LSM12: variants seen among roughly 807,000 people sequenced by gnomAD.
LSM12 encodes the protein LSM12 homolog.
For missense variants in LSM12, 108 were observed against 238.9 expected (o/e 0.45, Z 3.61); for synonymous variants, 74 against 87.3 (o/e 0.85, Z 0.85).
intron 3 of LSM12, 138 bp from the exon 4 acceptor site, chr17:44,037,676 C>G: frequency 2.0e-6 from 2 of 985,720 alleles, no homozygotes; most frequent in South Asian, 4.2e-5. Flanking sequence ...GCCAGCAGCC[C>G]ATATAGTAGC....
intron 2 of LSM12, among the ~76,000 whole-genome samples, chr17:44,045,935 AC>A (rs2049557255): frequency 2.2e-5 from 2 of 89,618 alleles, no homozygotes; most frequent in African/African-American, 4.2e-5. Flanking sequence ...AAAATATTTT[AC>A]TTTTTTTTTT....
At position 44,034,368 on chromosome 17, in the gene LSM12, T is replaced by C. The variant is rs557532926; in HGVS notation, c.*1840A>G. ...AGTTTACTTCTCAGCTCGCCGACCA[T>C]TTGTGCCTCCAAACAGTCCTGTAAC... On this transcript the variant is annotated 3_prime_UTR_variant, in exon 5 of 5. Transcript: ENST00000293406. Among the ~76,000 whole-genome samples the C allele has an allele frequency of 6.6e-6, 1 of 152,308 alleles. No individual in the cohort carries two copies. The highest frequency in any genetic ancestry group is 1.9e-4 in the East Asian group (1 of 5,184).
At chr17:44,044,039 G>C (rs561189091) in intron 2 of LSM12, among the ~76,000 whole-genome samples, 4 of 152,256 alleles carry the variant, frequency 2.6e-5, no homozygotes, top group African/African-American at 9.6e-5. Context: ...TGACTAGATA[G>C]TCTGAACGTT....
intron 2 of LSM12, among the ~76,000 whole-genome samples, chr17:44,059,791 G>A (rs1217324774): frequency 6.6e-6 from 1 of 152,080 alleles, no homozygotes; most frequent in African/African-American, 2.4e-5. Flanking sequence ...ACAAATATCC[G>A]GTTTTTATCA....
intron 3 of LSM12, among the ~76,000 whole-genome samples, chr17:44,038,708 C>T (rs1171969507): frequency 2.0e-5 from 3 of 152,148 alleles, no homozygotes; most frequent in Non-Finnish European, 2.9e-5. Context: ...GTACTCTGAC[C>T]CTTATCACCC....
intron 2 of LSM12, among the ~76,000 whole-genome samples, chr17:44,063,164 G>A (rs749241029): frequency 2.0e-5 from 3 of 152,132 alleles, no homozygotes; most frequent in Non-Finnish European, 4.4e-5. Context: ...GAAGGCCGAG[G>A]CAGGAGGGTC....
chr17:44,040,062 A>C (rs1030566377), intron 3 of LSM12, 85 bp downstream of exon 3: 3 of 1,010,942 alleles, frequency 3.0e-6, no homozygotes, highest in Non-Finnish European at 4.5e-6. Flanking sequence ...ACTTTTAGGA[A>C]GACAACCACC....
chr17:44,046,574 G>A (rs1197344478), intron 2 of LSM12, among the ~76,000 whole-genome samples: 1 of 150,696 alleles, frequency 6.6e-6, no homozygotes, highest in East Asian at 2.1e-4. Flanking sequence ...GGGGATGGTG[G>A]CGGGCGCCTG....
intron 2 of LSM12, among the ~76,000 whole-genome samples, chr17:44,046,893 G>C (rs1036457420): frequency 2.0e-5 from 3 of 151,156 alleles, no homozygotes; most frequent in Non-Finnish European, 4.4e-5. Flanking sequence ...ACCACGCCTG[G>C]CTAATTTTTT....
At chr17:44,067,177 G>A (rs1319643932), upstream of LSM12, among the ~76,000 whole-genome samples, 1 of 152,142 alleles carries the variant, frequency 6.6e-6, no homozygotes, top group Non-Finnish European at 1.5e-5. Flanking sequence ...GCGCGTGCCT[G>A]TAATCCCAGC....
intron 2 of LSM12, among the ~76,000 whole-genome samples, chr17:44,062,251 A>C (rs1463849346): frequency 6.6e-6 from 1 of 151,240 alleles, no homozygotes; most frequent in African/African-American, 2.4e-5. Flanking sequence ...AAAGCTATGA[A>C]TAGGGTAACC....
At chr17:44,053,598 G>A (rs955854481) in intron 2 of LSM12, among the ~76,000 whole-genome samples, 7 of 152,108 alleles carry the variant, frequency 4.6e-5, no homozygotes, top group African/African-American at 1.7e-4. Context: ...CAGAAAAAAG[G>A]AGAAACAATG....
At chr17:44,061,128 A>C (rs1199029609) in intron 2 of LSM12, among the ~76,000 whole-genome samples, 3 of 151,934 alleles carry the variant, frequency 2.0e-5, no homozygotes, top group African/African-American at 7.3e-5. Flanking sequence ...GACCAGCCTG[A>C]CCAACACGGA....
chr17:44,058,145 G>A (rs558468800), intron 2 of LSM12, among the ~76,000 whole-genome samples: 2 of 151,962 alleles, frequency 1.3e-5, no homozygotes, highest in African/African-American at 2.4e-5. Flanking sequence ...GCTGAGGCAG[G>A]AGAATGGCGT....
intron 2 of LSM12, among the ~76,000 whole-genome samples, chr17:44,049,376 C>T (rs1442922643): frequency 6.6e-6 from 1 of 152,120 alleles, no homozygotes; most frequent in Non-Finnish European, 1.5e-5. Flanking sequence ...CTCCTGGGCT[C>T]AAGCGATCTT....
chr17:44,057,180 C>T (rs1248306769), intron 2 of LSM12, among the ~76,000 whole-genome samples: 2 of 147,926 alleles, frequency 1.4e-5, no homozygotes, highest in African/African-American at 2.5e-5. Flanking sequence ...GACGGAGTCT[C>T]GCTCTGTCTC....
At chr17:44,054,614 AT>A (rs2144099406) in intron 2 of LSM12, among the ~76,000 whole-genome samples, 1 of 151,750 alleles carries the variant, frequency 6.6e-6, no homozygotes, top group African/African-American at 2.4e-5. Context: ...CAAGTCGGTG[AT>A]TTTTAAAATG....
In LSM12 at chr17:44,037,561, G is replaced by A. The variant is rs148411523; in HGVS notation, c.369-23C>T. 431 of 1,594,804 alleles carry A rather than the reference G, an allele frequency of 2.7e-4. 2 individuals carry two copies. In the African/African-American group the frequency reaches 5.1e-3, roughly 19 times the overall value. On this transcript the variant is annotated intron_variant, in intron 3 of 4. Transcript: ENST00000293406. Reference sequence around the variant, plus strand: ...ATGCTGGAAGGAGAAGACAGCAGGCGAAATGTAACCTCTTGGGGGCATCCC... The same window carrying A: ...ATGCTGGAAGGAGAAGACAGCAGGCAAAATGTAACCTCTTGGGGGCATCCC...
rs1253698303 is a variant in LSM12, at chr17:44,036,292, T to C, written c.504A>G (p.Lys168=). The C allele has an allele frequency of 1.9e-6, 3 of 1,613,938 alleles. No individual in the cohort carries two copies. Among genetic ancestry groups the C allele is most frequent in the East Asian group, 2.2e-5 (1 of 44,876 alleles). ...ALSHVRKIVE[K]HFRDVESQKI... ...TTTGGCTTTCCACGTCTCTAAAATG[T>C]TTTTCAACCTGAAAAAGACCAGGCA... is the stretch of plus-strand genomic sequence containing the variant. Residue 168 remains lysine, a synonymous_variant, in exon 5 of 5, where the codon AAA becomes AAG. Coordinates refer to ENST00000293406, the MANE Select transcript of LSM12 (RefSeq NM_001371445.1).
Sources: allele counts gnomAD v4.1 joint callset (sites outside exome capture counted in the v4.1 genomes callset), GRCh38; gene constraint gnomAD v4.1.1; transcripts MANE v1.5; gene names NCBI Gene and HGNC (gene_info 2026-07-23, HGNC 2026-07-21).